MEGF6: variants seen among roughly 807,000 people sequenced by gnomAD.
MEGF6 encodes multiple epidermal growth factor-like domains protein 6.
In MEGF6, 184 loss-of-function variants were observed where a neutral mutation model predicts 207.1. The ratio of observed to expected loss-of-function variants is 0.89; its 90% CI spans 0.79 to 1.00. The LOEUF (loss-of-function observed/expected upper bound fraction) is 1.00, where lower values mean the gene tolerates loss of function less well. Ranked by LOEUF, MEGF6 falls within the 50% of genes least tolerant of loss-of-function variation. The probability of loss-of-function intolerance (pLI) is 0.00; values close to 1 mark genes in which losing one functional copy is unlikely to be tolerated. For synonymous variants in MEGF6, 1,038 were observed against 910.0 expected, an observed-to-expected ratio of 1.14 and a Z score of -2.53; for missense variants, 2,282 against 2,202.9, an observed-to-expected ratio of 1.04 and a Z score of -0.72.
At chr1:3,549,709 G>A (rs1201585401) in intron 4 of MEGF6, among the ~76,000 whole-genome samples, 1 of 152,246 alleles carries the variant, frequency 6.6e-6, no homozygotes, top group Admixed American at 6.5e-5. Flanking sequence ...CGGGCTATGG[G>A]CGTCACTTAT....
chr1:3,494,087 CCCCTGG>C lies in MEGF6; in HGVS notation c.4161_4166del (p.Cys1387_Gly1389delinsTrp). On this transcript the variant is annotated inframe_deletion, in exon 33 of 37. Transcript: ENST00000356575. ...GGGCTCCATGTTGACACCAGCACAA[CCCCTGG>C]CAGCCAGCCCCGTGGAAGCCAGGGG... 6.3e-7 allele frequency: 1 copy of C among 1,590,450 alleles called. No individual in the cohort carries two copies. The highest frequency in any genetic ancestry group is 8.6e-7 in the Non-Finnish European group (1 of 1,166,814).
At chr1:3,514,439 G>C in intron 7 of MEGF6, 111 bp downstream of exon 7, 1 of 1,378,118 alleles carries the variant, frequency 7.3e-7, no homozygotes, top group Non-Finnish European at 9.6e-7. Flanking sequence ...AAGGCCAAAG[G>C]GCCTGGTCTC....
chr1:3,602,470 G>C lies in MEGF6; in HGVS notation c.262C>G (p.Arg88Gly), dbSNP rs376227812. 6.2e-7 allele frequency: 1 copy of C among 1,613,316 alleles called. No individual in the cohort carries two copies. The highest frequency in any genetic ancestry group is 8.5e-7 in the Non-Finnish European group (1 of 1,179,890). The change falls in exon 2 of 37, where the codon CGG (arginine) becomes GGG (glycine). Residue 88 changes from arginine (R) to glycine (G), a missense_variant. Transcript: ENST00000356575. ...GWQAWCVGHE[R>G]RTVYYMGYRQ... ...AACACGGGCCCCTGCACTTACCTCCGCTCATGACCCACGCACCACGCCTGC... is the reference window on the plus strand; with the variant it reads ...AACACGGGCCCCTGCACTTACCTCCCCTCATGACCCACGCACCACGCCTGC...
In MEGF6 at chr1:3,611,367, G is replaced by T; in HGVS notation, c.-99C>A. 5 of 1,333,358 alleles carry T rather than the reference G, an allele frequency of 3.7e-6. No homozygotes were observed. Among genetic ancestry groups the T allele is most frequent in the Middle Eastern group, 2.2e-4 (1 of 4,562 alleles). 82.6% of individuals were successfully genotyped at this position (1,333,358 alleles called of 1,614,324 possible). The stretch of plus-strand genomic sequence containing the variant: ...CGTGCGCCATAGGACGCAGCCACAG[G>T]TGCCCGCGCCCGCTCCGCGGAGCCC... On this transcript the variant is annotated 5_prime_UTR_variant, in exon 1 of 37. Coordinates refer to ENST00000356575, the MANE Select transcript of MEGF6 (RefSeq NM_001409.4).
chr1:3,531,717 A>T (rs1384931645), intron 4 of MEGF6, among the ~76,000 whole-genome samples: 3 of 152,094 alleles, frequency 2.0e-5, no homozygotes, highest in African/African-American at 4.8e-5. Flanking sequence ...GCACGGACAT[A>T]CGCACAGGCA....
In MEGF6 at chr1:3,595,330, G is replaced by T. The variant is rs765301487; in HGVS notation, c.376+8C>A. 1.9e-5 allele frequency: 31 copies of T among 1,603,414 alleles called. No individual in the cohort carries two copies. The highest frequency in any genetic ancestry group is 2.4e-5 in the Non-Finnish European group (28 of 1,172,082). ...GAGGGAGGGCGGGGAGGCGCAGGCG[G>T]CACTCACCCGAGAGGCAGCCCTCCT... On this transcript the variant is annotated splice_region_variant and intron_variant, in intron 3 of 36. Coordinates refer to ENST00000356575, the MANE Select transcript of MEGF6 (RefSeq NM_001409.4).
chr1:3,579,728 C>T (rs909825219), intron 4 of MEGF6, 97 bp downstream of exon 4: 3 of 819,278 alleles, frequency 3.7e-6, no homozygotes, highest in Non-Finnish European at 5.4e-6. Context: ...GTCCCCTACA[C>T]AGCTGTGCTG....
At chr1:3,617,152 C>A in the MEGF6 span, among the ~76,000 whole-genome samples, 1 of 150,878 alleles carries the variant, frequency 6.6e-6, no homozygotes, top group Non-Finnish European at 1.5e-5. Context: ...GCCCTCCCAC[C>A]CCCGGCTCCT....
Position 3,506,242 on chromosome 1 carries a change from G to A in MEGF6, c.1790-6C>T. ...ATAGTAGCCCTTGGGGCAGCCTGGG[G>A]GCAGCGGGGCTCCATGTGAACCTTG... On this transcript the variant is annotated splice_polypyrimidine_tract_variant and splice_region_variant and intron_variant, in intron 14 of 36. Coordinates refer to ENST00000356575, the MANE Select transcript of MEGF6 (RefSeq NM_001409.4). The A allele has an allele frequency of 6.2e-7, 1 of 1,608,272 alleles. No homozygotes were observed. The highest frequency in any genetic ancestry group is 8.5e-7 in the Non-Finnish European group (1 of 1,178,158).
In MEGF6 at chr1:3,497,075, G is replaced by C. The variant is rs536737577; in HGVS notation, c.3526C>G (p.Gln1176Glu). 9.6e-6 allele frequency: 15 copies of C among 1,569,384 alleles called. No homozygotes were observed. The highest frequency in any genetic ancestry group is 1.2e-5 in the Non-Finnish European group (14 of 1,158,212). ...CAGGCCGGGTTCTCACCGGGACACT[G>C]GCACATCTGCGCACAGTCCTCCCCA... Reference protein sequence around the residue: ...SFGEDCAQMCQCPGENPACHP... With the variant: ...SFGEDCAQMCECPGENPACHP... Residue 1176 changes from glutamine (Q) to glutamate (E), a missense_variant, in exon 28 of 37, where the codon CAG becomes GAG. By Grantham distance (29) the Gln-to-Glu change is conservative. Transcript: ENST00000356575.
At chr1:3,576,126 C>T (rs1379849791) in intron 4 of MEGF6, among the ~76,000 whole-genome samples, 2 of 152,250 alleles carry the variant, frequency 1.3e-5, no homozygotes, top group South Asian at 2.1e-4. Flanking sequence ...GTGACTGCGC[C>T]GAGGCCTGCA....
At chr1:3,609,792 G>C (rs1364097281) in intron 1 of MEGF6, among the ~76,000 whole-genome samples, 1 of 152,200 alleles carries the variant, frequency 6.6e-6, no homozygotes, top group Non-Finnish European at 1.5e-5. Context: ...GTCTGAGTCC[G>C]GCAGCGGGCC....
upstream of MEGF6, among the ~76,000 whole-genome samples, chr1:3,615,270 C>G (rs1340674445): frequency 6.6e-6 from 1 of 152,190 alleles, no homozygotes; most frequent in African/African-American, 2.4e-5. Context: ...CTTTCTGACC[C>G]CCCAAGGAGG....
At chr1:3,612,380 G>A (rs1451680080), upstream of MEGF6, among the ~76,000 whole-genome samples, 2 of 151,308 alleles carry the variant, frequency 1.3e-5, no homozygotes, top group Non-Finnish European at 2.9e-5. Context: ...TGCGAAGCAA[G>A]ATTCACTTGT....
intron 5 of MEGF6, among the ~76,000 whole-genome samples, chr1:3,518,351 G>A (rs1489696855): frequency 6.6e-6 from 1 of 152,162 alleles, no homozygotes; most frequent in Admixed American, 6.5e-5. Context: ...AGGTCCACTC[G>A]GGCTGGGGTG....
At chr1:3,538,071 T>G (rs1642387709) in intron 4 of MEGF6, among the ~76,000 whole-genome samples, 1 of 152,172 alleles carries the variant, frequency 6.6e-6, no homozygotes, top group Non-Finnish European at 1.5e-5. Flanking sequence ...TAATCTGCCT[T>G]CGTGGGCTCA....
At chr1:3,523,790 G>T (rs1307432772) in intron 5 of MEGF6, among the ~76,000 whole-genome samples, 1 of 152,226 alleles carries the variant, frequency 6.6e-6, no homozygotes, top group Non-Finnish European at 1.5e-5. Context: ...CTGTTGTAGA[G>T]AATCTTTAAT....
At position 3,509,498 on chromosome 1, in the gene MEGF6, C is replaced by A. The variant is rs550751400; in HGVS notation, c.1358-253G>T. ...CCCTCTGCCCCCAGCCTCATCCCAA[C>A]TCTAGGGACTCTGGGGCCTAGAGGG... On this transcript the variant is annotated intron_variant, in intron 11 of 36. Coordinates refer to ENST00000356575, the MANE Select transcript of MEGF6 (RefSeq NM_001409.4). Among the ~76,000 whole-genome samples, 5 of 152,196 alleles carry A rather than the reference C, an allele frequency of 3.3e-5. No individual in the cohort carries two copies. In the South Asian group the frequency reaches 1.0e-3, roughly 32 times the overall value.
At chr1:3,506,769 G>A (rs1321821357) in intron 14 of MEGF6, among the ~76,000 whole-genome samples, 3 of 152,120 alleles carry the variant, frequency 2.0e-5, no homozygotes, top group East Asian at 1.9e-4. Context: ...CTACATACAC[G>A]TCCTAGTCCC....
Sources: gnomAD v4.1 joint callset for allele counts (sites outside exome capture counted in the v4.1 genomes callset) on GRCh38, gnomAD v4.1.1 for gene constraint, MANE v1.5 for transcripts, NCBI Gene and HGNC (gene_info 2026-07-23, HGNC 2026-07-21) for gene names.